Variants in SEMA4B observed in about 807,000 individuals in gnomAD.
SEMA4B encodes semaphorin-4B.
SEMA4B carries 55 observed loss-of-function variants against 88.1 expected under a neutral mutation model. The ratio of observed to expected loss-of-function variants is 0.62; its 90% CI spans 0.50 to 0.78. The LOEUF (loss-of-function observed/expected upper bound fraction) is 0.78. Among genes scored for constraint, SEMA4B ranks in the 30% least tolerant of loss-of-function variants. The probability of loss-of-function intolerance (pLI) is 0.00; values close to 1 mark genes in which losing one functional copy is unlikely to be tolerated. For synonymous variants in SEMA4B, 525 were observed against 473.6 expected (o/e 1.11, Z -1.41); for missense variants, 1,062 against 1,111.9 (o/e 0.96, Z 0.64).
At chr15:90,204,172 C>T (rs370994402) in intron 1 of SEMA4B, among the ~76,000 whole-genome samples, 16 of 152,298 alleles carry the variant, frequency 1.1e-4, no homozygotes, top group African/African-American at 3.6e-4. Context: ...GACCATGGGA[C>T]GCCGGGCCCA....
At chr15:90,225,891 T>C (rs571944588) in intron 12 of SEMA4B, 64 bp downstream of exon 12, 1 of 1,329,210 alleles carries the variant, frequency 7.5e-7, no homozygotes, top group South Asian at 1.7e-5. Context: ...CGGAGCACCA[T>C]CCTGGGCCCT....
chr15:90,221,568 C>T, intron 6 of SEMA4B, 46 bp from the exon 7 acceptor site: 1 of 1,610,796 alleles, frequency 6.2e-7, no homozygotes. Context: ...TGGCCTGTCT[C>T]CAGGGTTCCT....
chr15:90,186,041 C>G (rs371388883), intron 1 of SEMA4B, among the ~76,000 whole-genome samples: 6 of 144,244 alleles, frequency 4.2e-5, no homozygotes, highest in African/African-American at 1.5e-4. Context: ...TCAAGTGACT[C>G]TTCTGCCTCA....
chr15:90,223,389 T>G (rs1380477370), intron 7 of SEMA4B, among the ~76,000 whole-genome samples, 170 bp from the exon 8 acceptor site: 1 of 152,188 alleles, frequency 6.6e-6, no homozygotes, highest in Non-Finnish European at 1.5e-5. Flanking sequence ...ACCATCCTCC[T>G]GATGGATGCG....
At chr15:90,187,141 G>A (rs1044291931) in intron 1 of SEMA4B, among the ~76,000 whole-genome samples, 3 of 152,066 alleles carry the variant, frequency 2.0e-5, no homozygotes, top group Non-Finnish European at 4.4e-5. Flanking sequence ...GTAAGTCCCT[G>A]GGAGCCAAGC....
chr15:90,190,144 G>C (rs890925480), intron 1 of SEMA4B, among the ~76,000 whole-genome samples: 2 of 152,182 alleles, frequency 1.3e-5, no homozygotes, highest in African/African-American at 4.8e-5. Context: ...GTGCATAAAT[G>C]GTGCTGCAGG....
At chr15:90,210,980 G>A (rs556795064) in intron 1 of SEMA4B, among the ~76,000 whole-genome samples, 2 of 152,376 alleles carry the variant, frequency 1.3e-5, no homozygotes, top group South Asian at 4.1e-4. Flanking sequence ...GACAGGTAGA[G>A]TTGGTGACAT....
chr15:90,220,169 C>T (rs60557997), intron 4 of SEMA4B: 10,573 of 399,196 alleles, frequency 0.026, 934 homozygotes, highest in African/African-American at 0.19. Flanking sequence ...TCTGCTTCTT[C>T]CAGCATCTCT....
At chr15:90,193,302 T>C (rs987671109) in intron 1 of SEMA4B, 1 of 152,112 alleles carries the variant, frequency 6.6e-6, no homozygotes, top group Non-Finnish European at 1.5e-5. Context: ...TGGTTTCTAG[T>C]CTGGGGAGAA....
At chr15:90,203,547 C>T (rs1333831752) in intron 1 of SEMA4B, among the ~76,000 whole-genome samples, 2 of 152,148 alleles carry the variant, frequency 1.3e-5, no homozygotes, top group Admixed American at 6.6e-5. Flanking sequence ...CGAGGGGAAT[C>T]GAGGGGACCT....
In SEMA4B at chr15:90,228,898, C is replaced by A; in HGVS notation, c.*255C>A. On this transcript the variant is annotated 3_prime_UTR_variant, in exon 14 of 14. Transcript: ENST00000411539. ...TGCCTAGGTTGGTGGAACAGTGCTC[C>A]TTATGTAAACTGAGCCCTTTGTTTA... The A allele has an allele frequency of 1.7e-6, 1 of 576,516 alleles. No individual in the cohort carries two copies. The highest frequency in any genetic ancestry group is 3.3e-5 in the Admixed American group (1 of 30,724). 35.7% of individuals were successfully genotyped at this position (576,516 alleles called of 1,614,324 possible).
chr15:90,202,924 C>T (rs6496644), intron 1 of SEMA4B, among the ~76,000 whole-genome samples: 33,281 of 152,104 alleles, frequency 0.22, 5,029 homozygotes, highest in African/African-American at 0.42. Flanking sequence ...AGTAACCCTA[C>T]CTGAACCCCT....
At chr15:90,199,754 A>G (rs1960635099), upstream of SEMA4B, among the ~76,000 whole-genome samples, 1 of 152,092 alleles carries the variant, frequency 6.6e-6, no homozygotes. Flanking sequence ...TGAACCCAGA[A>G]GGCAGAGGTT....
chr15:90,206,600 G>A, intron 1 of SEMA4B: 1 of 579,026 alleles, frequency 1.7e-6, no homozygotes. Context: ...TGCTGGAGGG[G>A]TAATGGACAT....
Position 90,224,999 on chromosome 15 carries a change from T to A in SEMA4B, c.1226T>A (p.Ile409Asn), listed in dbSNP as rs1297242492. 1 of 1,613,886 alleles carries A rather than the reference T, an allele frequency of 6.2e-7. No homozygotes were observed. Among genetic ancestry groups the A allele is most frequent in the Non-Finnish European group, 8.5e-7 (1 of 1,179,856 alleles). Residue 409 changes from isoleucine (I) to asparagine (N), a missense_variant, in exon 10 of 14, where the codon ATC becomes AAC. Coordinates refer to ENST00000411539, the MANE Select transcript of SEMA4B (RefSeq NM_198925.4). ...CITNSARERK[I>N]NSSLQLPDRV... is the part of the protein sequence containing the mutation. ...ACCAACAGTGCCCGGGAAAGGAAGA[T>A]CAACTCATCCCTGCAGCTCCCAGAC...
At chr15:90,207,289 G>C (rs1321557500) in intron 1 of SEMA4B, among the ~76,000 whole-genome samples, 1 of 151,732 alleles carries the variant, frequency 6.6e-6, no homozygotes, top group Non-Finnish European at 1.5e-5. Context: ...GAGAGGTGGG[G>C]GGCCTGTGGC....
Position 90,225,696 on chromosome 15 carries a change from C to G in SEMA4B, c.1557C>G (p.Val519=). 1 of 1,567,544 alleles carries G rather than the reference C, an allele frequency of 6.4e-7. No individual in the cohort carries two copies. Among genetic ancestry groups the G allele is most frequent in the South Asian group, 1.2e-5 (1 of 85,244 alleles). ...LLYAASHSGV[V]QVPMANCSLY... ...ATGCGGCCTCACACTCGGGCGTAGTCCAGGTGCCCATGGCCAACTGCAGCC... is the reference window on the plus strand; with the variant it reads ...ATGCGGCCTCACACTCGGGCGTAGTGCAGGTGCCCATGGCCAACTGCAGCC... The change falls in exon 12 of 14, where the codon GTC becomes GTG. Residue 519 remains valine (V), a synonymous_variant. Transcript: ENST00000411539.
chr15:90,188,912 G>T (rs1275943194), intron 1 of SEMA4B, among the ~76,000 whole-genome samples: 1 of 151,820 alleles, frequency 6.6e-6, no homozygotes, highest in African/African-American at 2.4e-5. Flanking sequence ...CTCGTGATCC[G>T]CCCGCCTCAG....
At chr15:90,204,900 C>G (rs1567048017) in intron 1 of SEMA4B, among the ~76,000 whole-genome samples, 1 of 152,170 alleles carries the variant, frequency 6.6e-6, no homozygotes, top group Non-Finnish European at 1.5e-5. Context: ...CTCAGCCTCT[C>G]GAGCAGCTGA....
Sources: allele counts gnomAD v4.1 joint callset (sites outside exome capture counted in the v4.1 genomes callset), GRCh38; gene constraint gnomAD v4.1.1; transcripts MANE v1.5; gene names NCBI Gene and HGNC (gene_info 2026-07-23, HGNC 2026-07-21).